The following IL19 variants were observed in gnomAD, a reference collection of about 807,000 sequenced individuals.
IL19 encodes interleukin-19.
A neutral mutation model predicts 19.5 loss-of-function variants in IL19; 15 were observed. The ratio of observed to expected loss-of-function variants is 0.77; its 90% CI spans 0.52 to 1.19. The LOEUF (loss-of-function observed/expected upper bound fraction) is 1.19, where lower values mean the gene tolerates loss of function less well. Among genes scored for constraint, IL19 ranks in the 50% most tolerant of loss-of-function variants. The pLI is 0.00. For synonymous variants in IL19, 78 were observed against 78.3 expected (o/e 1.00, Z 0.02); for missense variants, 199 against 213.1 (o/e 0.93, Z 0.41).
chr1:206,773,156 C>T (rs1674904232), intron 1 of IL19, among the ~76,000 whole-genome samples: 1 of 152,176 alleles, frequency 6.6e-6, no homozygotes, highest in Non-Finnish European at 1.5e-5. Flanking sequence ...CTGTCCCCCA[C>T]CCCAACTGTG....
At chr1:206,789,988 A>G (rs556171397) in intron 1 of IL19, among the ~76,000 whole-genome samples, 22 of 152,320 alleles carry the variant, frequency 1.4e-4, no homozygotes, top group Admixed American at 5.9e-4. Context: ...TGCAGTAAAC[A>G]TATATGTGCA....
chr1:206,839,820 C>T (rs769552606), intron 4 of IL19, 30 bp from the exon 5 acceptor site: 4 of 1,588,260 alleles, frequency 2.5e-6, no homozygotes, highest in Non-Finnish European at 3.4e-6. Flanking sequence ...GAGAAGAGGC[C>T]TCTAGTGTTT....
At chr1:206,831,208 G>A (rs775372649) in intron 2 of IL19, among the ~76,000 whole-genome samples, 8 of 152,180 alleles carry the variant, frequency 5.3e-5, no homozygotes, top group Non-Finnish European at 7.3e-5. Flanking sequence ...ATGTTAGGCG[G>A]GGATAAGGAA....
chr1:206,789,532 C>A (rs190879417), intron 1 of IL19, among the ~76,000 whole-genome samples: 2 of 152,250 alleles, frequency 1.3e-5, no homozygotes, highest in East Asian at 3.9e-4. Context: ...TTTTTTATGG[C>A]TGAGTGGTAC....
chr1:206,774,810 G>A (rs1674951598), intron 1 of IL19, among the ~76,000 whole-genome samples: 1 of 152,132 alleles, frequency 6.6e-6, no homozygotes, highest in Non-Finnish European at 1.5e-5. Flanking sequence ...TGCCCTGTAA[G>A]CCTGGAGGGT....
chr1:206,801,695 C>T (rs993813722), intron 2 of IL19, among the ~76,000 whole-genome samples: 1 of 152,248 alleles, frequency 6.6e-6, no homozygotes, highest in African/African-American at 2.4e-5. Flanking sequence ...TCTATTATTA[C>T]CCCCACTTCC....
chr1:206,822,322 G>A (rs1014898277), intron 2 of IL19, among the ~76,000 whole-genome samples: 4 of 152,174 alleles, frequency 2.6e-5, no homozygotes, highest in Non-Finnish European at 5.9e-5. Context: ...GGGCAAAGTT[G>A]GCACAAGAAT....
intron 1 of IL19, among the ~76,000 whole-genome samples, chr1:206,778,132 G>A (rs953730696): frequency 1.3e-5 from 2 of 152,202 alleles, no homozygotes; most frequent in Admixed American, 6.5e-5. Context: ...TATGCAAACC[G>A]GATTAAGCGC....
chr1:206,816,312 A>G (rs1215938358), intron 2 of IL19, among the ~76,000 whole-genome samples: 3 of 152,182 alleles, frequency 2.0e-5, no homozygotes, highest in African/African-American at 7.2e-5. Flanking sequence ...ATTATTTTTA[A>G]AAAATAATGT....
In IL19 at chr1:206,811,443, CAAAA is replaced by C. The variant is rs61026012; in HGVS notation, c.-3+12455_-3+12458del. On this transcript the variant is annotated intron_variant, in intron 2 of 6. Transcript: ENST00000659997. Reference sequence around the variant, plus strand: ...TGGGTGACAGAGCAAGACTCCGTCTCAAAAAAAAAAAAAAAAAAAAAGTTTGGTG... The same window carrying C: ...TGGGTGACAGAGCAAGACTCCGTCTCAAAAAAAAAAAAAAAAAGTTTGGTG... Among the ~76,000 whole-genome samples the C allele has an allele frequency of 5.7e-3, 570 of 99,682 alleles. 5 individuals carry two copies. Among genetic ancestry groups the C allele is most frequent in the African/African-American group, 0.018 (471 of 26,770 alleles). The allele number at this position is 99,682 out of a possible 152,430, so 65.4% of individuals were successfully genotyped here. A position where few individuals can be genotyped will look rare whatever the true frequency, so the allele number is the denominator to read the frequency against.
intron 2 of IL19, among the ~76,000 whole-genome samples, chr1:206,821,818 C>A (rs1418033295): frequency 6.6e-6 from 1 of 152,208 alleles, no homozygotes; most frequent in Non-Finnish European, 1.5e-5. Flanking sequence ...CCCAGGATGT[C>A]CTTTGTGGGA....
intron 2 of IL19, among the ~76,000 whole-genome samples, chr1:206,812,179 A>G (rs1388807153): frequency 6.6e-6 from 1 of 152,126 alleles, no homozygotes; most frequent in Non-Finnish European, 1.5e-5. Context: ...AACCAACTAT[A>G]TGGTTCCATA....
chr1:206,842,382 A>G, intron 6 of IL19, 145 bp from the exon 7 acceptor site: 1 of 493,108 alleles, frequency 2.0e-6, no homozygotes, highest in South Asian at 3.9e-5. Flanking sequence ...AATAATATTG[A>G]GTCTGTATGT....
intron 2 of IL19, among the ~76,000 whole-genome samples, chr1:206,830,866 C>T (rs560898647): frequency 1.3e-5 from 2 of 152,302 alleles, no homozygotes; most frequent in Admixed American, 6.5e-5. Context: ...CGTGAGCCAC[C>T]GCTCCTGGCC....
At chr1:206,779,400 G>A (rs1355558656) in intron 1 of IL19, among the ~76,000 whole-genome samples, 1 of 152,048 alleles carries the variant, frequency 6.6e-6, no homozygotes, top group Non-Finnish European at 1.5e-5. Context: ...CTCCATACCA[G>A]TGTTGGCCCA....
intron 1 of IL19, among the ~76,000 whole-genome samples, chr1:206,794,495 C>G (rs1257200446): frequency 6.6e-6 from 1 of 152,148 alleles, no homozygotes; most frequent in Admixed American, 6.5e-5. Context: ...GTCGACACCC[C>G]CTCTCTGAGC....
At chr1:206,785,958 T>G (rs1288845950) in intron 1 of IL19, among the ~76,000 whole-genome samples, 3 of 151,296 alleles carry the variant, frequency 2.0e-5, no homozygotes, top group African/African-American at 7.3e-5. Context: ...ATATATCTGG[T>G]CAAAGGGGTC....
chr1:206,777,138 G>A (rs1485047572), intron 1 of IL19, among the ~76,000 whole-genome samples: 1 of 150,506 alleles, frequency 6.6e-6, no homozygotes, highest in Non-Finnish European at 1.5e-5. Context: ...GGCTGAGGCA[G>A]GAGAATGGCG....
In IL19 at chr1:206,818,780, TTTTC is replaced by T. The variant is rs762883906; in HGVS notation, c.-2-17861_-2-17858del. On this transcript the variant is annotated intron_variant, in intron 2 of 6. Coordinates refer to ENST00000659997, the MANE Select transcript of IL19 (RefSeq NM_153758.5). ...ATCTTACTTAGGTTTAGAGTTTGTA[TTTTC>T]TTTCTTTCTTTCTTTCTTTTTTCTT... Among the ~76,000 whole-genome samples the T allele has an allele frequency of 1.7e-3, 254 of 151,766 alleles. 1 individual carries two copies. Among genetic ancestry groups the T allele is most frequent in the South Asian group, 3.5e-3 (17 of 4,806 alleles).
Sources: allele counts gnomAD v4.1 joint callset (sites outside exome capture counted in the v4.1 genomes callset), GRCh38; gene constraint gnomAD v4.1.1; transcripts MANE v1.5; gene names NCBI Gene and HGNC (gene_info 2026-07-23, HGNC 2026-07-21).